The following KIT variants were observed in gnomAD, a reference collection of about 807,000 sequenced individuals.
KIT encodes the protein KIT proto-oncogene, receptor tyrosine kinase.
A neutral mutation model predicts 105.7 loss-of-function variants in KIT; 16 were observed. The ratio of observed to expected loss-of-function variants is 0.15; its 90% CI spans 0.10 to 0.23. The LOEUF is 0.23. Ranked by LOEUF, KIT falls within the 10% of genes least tolerant of loss-of-function variation. The pLI, the probability that KIT is intolerant of heterozygous loss-of-function variation, is 1.00. For missense variants in KIT, 858 were observed against 1,213.8 expected, an observed-to-expected ratio of 0.71 and a Z score of 4.36; for synonymous variants, 438 against 441.1, an observed-to-expected ratio of 0.99 and a Z score of 0.09.
rs186225957 is a variant in KIT at position 54,685,185 on chromosome 4, C to T, written c.68-10327C>T. On this transcript the variant is annotated intron_variant, in intron 1 of 20. Coordinates refer to ENST00000288135, the MANE Select transcript of KIT (RefSeq NM_000222.3). ...TGGCCCCTCTGTTCTTTGTAGTCTC[C>T]ACTCCCTCCCTGGGGGATTTCATGG... Among the ~76,000 whole-genome samples the T allele has an allele frequency of 1.3e-3, 195 of 152,232 alleles. 2 individuals carry two copies. The highest frequency in any genetic ancestry group is 4.6e-3 in the African/African-American group (190 of 41,530).
intron 1 of KIT, among the ~76,000 whole-genome samples, chr4:54,672,728 A>G (rs1402255911): frequency 1.3e-5 from 2 of 152,170 alleles, no homozygotes; most frequent in Non-Finnish European, 2.9e-5. Context: ...CCTTGTTACC[A>G]TCATTTAGTC....
intron 4 of KIT, among the ~76,000 whole-genome samples, chr4:54,703,445 G>A (rs1014533401): frequency 1.6e-4 from 25 of 152,176 alleles, no homozygotes; most frequent in East Asian, 9.7e-4. Flanking sequence ...AAAATTTAGC[G>A]TTGTATAGAA....
At chr4:54,687,441 CA>C (rs952404863) in intron 1 of KIT, among the ~76,000 whole-genome samples, 13 of 143,512 alleles carry the variant, frequency 9.1e-5, no homozygotes, top group African/African-American at 1.8e-4. Context: ...ACCCCATCTC[CA>C]AAAAAAAAAT....
rs934899537 is a variant in KIT at position 54,725,926 on chromosome 4, A to G, written c.1416A>G (p.Leu472=). 7 of 1,614,128 alleles carry G rather than the reference A, an allele frequency of 4.3e-6. No individual in the cohort carries two copies. The East Asian group carries it at 1.3e-4, about 31-fold the overall frequency. ...CATCTGGGCCACCGTTTGGAAAGCTAGTGGTTCAGAGTTCTATAGATTCTA... is the reference window on the plus strand; with the variant it reads ...CATCTGGGCCACCGTTTGGAAAGCTGGTGGTTCAGAGTTCTATAGATTCTA... The part of the protein sequence containing the change: ...LNSSGPPFGK[L]VVQSSIDSSA... Residue 472 remains leucine (L), a synonymous_variant, in exon 9 of 21, where the codon CTA becomes CTG. Transcript: ENST00000288135.
At chr4:54,673,871 G>A (rs1053740114) in intron 1 of KIT, among the ~76,000 whole-genome samples, 30 of 152,086 alleles carry the variant, frequency 2.0e-4, no homozygotes, top group African/African-American at 7.2e-4. Flanking sequence ...CCTAGTTCAA[G>A]TGATTCTCGT....
At position 54,713,830 on chromosome 4, in the gene KIT, T is replaced by C. The variant is rs551747635; in HGVS notation, c.1231+4291T>C. ...AATTTGTGTTAAGAAAACACGTATATAACATGTTAAGCTTGAAAATGTTCT... is the reference window on the plus strand; with the variant it reads ...AATTTGTGTTAAGAAAACACGTATACAACATGTTAAGCTTGAAAATGTTCT... On this transcript the variant is annotated intron_variant, in intron 7 of 20. Transcript: ENST00000288135. Among the ~76,000 whole-genome samples, 18 of 152,324 alleles carry C rather than the reference T, an allele frequency of 1.2e-4. No homozygotes were observed. In the South Asian group the frequency reaches 2.7e-3, roughly 23 times the overall value.
intron 5 of KIT, among the ~76,000 whole-genome samples, chr4:54,705,925 A>G (rs1409976367): frequency 6.6e-6 from 1 of 152,174 alleles, no homozygotes; most frequent in Non-Finnish European, 1.5e-5. Flanking sequence ...TTATTAAGTA[A>G]AAGGTATGCT....
chr4:54,709,730 T>C, intron 7 of KIT, 191 bp downstream of exon 7: 1 of 661,776 alleles, frequency 1.5e-6, no homozygotes, highest in Non-Finnish European at 2.7e-6. Context: ...TACATTTCAC[T>C]GATCACATGA....
chr4:54,729,550 A>G, intron 14 of KIT, 65 bp downstream of exon 14: 1 of 1,515,828 alleles, frequency 6.6e-7, no homozygotes, highest in Non-Finnish European at 9.1e-7. Flanking sequence ...AAGGGTTTGC[A>G]ATCAAGGCTG....
chr4:54,684,192 G>GGGGTT, intron 1 of KIT, among the ~76,000 whole-genome samples: 2 of 152,078 alleles, frequency 1.3e-5, no homozygotes, highest in East Asian at 3.9e-4. Context: ...GGGGTGGGGT[G>GGGGTT]GGGTGGTGCA....
At chr4:54,679,942 T>C (rs754819148) in intron 1 of KIT, among the ~76,000 whole-genome samples, 7 of 152,298 alleles carry the variant, frequency 4.6e-5, no homozygotes, top group East Asian at 1.9e-4. Flanking sequence ...ATTCCACTTA[T>C]ATGAGGTACC....
intron 1 of KIT, among the ~76,000 whole-genome samples, chr4:54,694,671 C>T (rs1261769854): frequency 6.6e-6 from 1 of 152,220 alleles, no homozygotes; most frequent in Non-Finnish European, 1.5e-5. Flanking sequence ...TGAGCCACGG[C>T]ACCTGGCCAG....
At chr4:54,696,841 C>A (rs927536628) in intron 2 of KIT, among the ~76,000 whole-genome samples, 1 of 152,252 alleles carries the variant, frequency 6.6e-6, no homozygotes, top group Non-Finnish European at 1.5e-5. Flanking sequence ...GTCACCACTT[C>A]GCCTCAGGGC....
At chr4:54,721,451 G>A (rs994225092) in intron 7 of KIT, among the ~76,000 whole-genome samples, 5 of 152,312 alleles carry the variant, frequency 3.3e-5, no homozygotes, top group East Asian at 3.9e-4. Context: ...GGATGCTTTC[G>A]CAAGACGATG....
chr4:54,728,063 G>A lies in KIT; in HGVS notation c.1932G>A (p.Leu644=), dbSNP rs1447436759. ...CCCTCATGTCTGAACTCAAAGTCCTGAGTTACCTTGGTAATCACATGAATA... is the reference window on the plus strand; with the variant it reads ...CCCTCATGTCTGAACTCAAAGTCCTAAGTTACCTTGGTAATCACATGAATA... The part of the protein sequence containing the change: ...REALMSELKV[L]SYLGNHMNIV... The change falls in exon 13 of 21, where the codon CTG becomes CTA. Residue 644 remains leucine, a synonymous_variant. Transcript: ENST00000288135. 2 of 1,613,988 alleles carry A rather than the reference G, an allele frequency of 1.2e-6. No individual in the cohort carries two copies. Among genetic ancestry groups the A allele is most frequent in the Non-Finnish European group, 1.7e-6 (2 of 1,179,966 alleles).
At chr4:54,728,908 C>T (rs1722408462) in intron 13 of KIT, among the ~76,000 whole-genome samples, 1 of 152,196 alleles carries the variant, frequency 6.6e-6, no homozygotes, top group African/African-American at 2.4e-5. Context: ...GCTGGCTGCT[C>T]CTTGTGGCTG....
chr4:54,698,342 G>A lies in KIT; in HGVS notation c.396G>A (p.Thr132=), dbSNP rs149172424. 2.7e-5 allele frequency: 43 copies of A among 1,613,894 alleles called. No homozygotes were observed. The highest frequency in any genetic ancestry group is 4.0e-5 in the African/African-American group (3 of 74,934). The change falls in exon 3 of 21, where the codon ACG becomes ACA. Residue 132 remains threonine (T), a synonymous_variant. Coordinates refer to ENST00000288135, the MANE Select transcript of KIT (RefSeq NM_000222.3). ...RSLYGKEDND[T]LVRCPLTDPE... ...TGTATGGGAAAGAAGACAACGACAC[G>A]CTGGTCCGCTGTCCTCTCACAGACC...
chr4:54,677,933 C>T (rs917252606), intron 1 of KIT, among the ~76,000 whole-genome samples: 3 of 152,180 alleles, frequency 2.0e-5, no homozygotes, highest in African/African-American at 7.2e-5. Context: ...AAGAGGCTGA[C>T]GTGCTTAATG....
chr4:54,680,642 C>T, intron 1 of KIT, among the ~76,000 whole-genome samples: 1 of 151,954 alleles, frequency 6.6e-6, no homozygotes, highest in East Asian at 1.9e-4. Context: ...ATCCACATGC[C>T]CCGGCCTCCC....
Sources: allele counts gnomAD v4.1 joint callset (sites outside exome capture counted in the v4.1 genomes callset), GRCh38; gene constraint gnomAD v4.1.1; transcripts MANE v1.5; gene names NCBI Gene and HGNC (gene_info 2026-07-23, HGNC 2026-07-21).